Variants in SGO1 observed in about 807,000 individuals in gnomAD.
The protein encoded by SGO1 is serologically defined breast cancer antigen NY-BR-85.
In SGO1, 39 loss-of-function variants were observed where a neutral mutation model predicts 50.5. The ratio of observed to expected loss-of-function variants is 0.77; its 90% CI spans 0.60 to 1.01. SGO1 has a LOEUF of 1.01. Ranked by LOEUF, SGO1 falls within the 50% of genes least tolerant of loss-of-function variation. The pLI, the probability that SGO1 is intolerant of heterozygous loss-of-function variation, is 0.00. For synonymous variants in SGO1, 191 were observed against 205.1 expected (o/e 0.93, Z 0.59); for missense variants, 638 against 606.0 (o/e 1.05, Z -0.55).
chr3:20,173,530 C>T (rs192191039), intron 6 of SGO1, among the ~76,000 whole-genome samples: 1 of 152,270 alleles, frequency 6.6e-6, no homozygotes, highest in African/African-American at 2.4e-5. Context: ...GTTTTAATCT[C>T]CTTACAAACA....
downstream of SGO1, among the ~76,000 whole-genome samples, chr3:20,166,842 C>CAAAAAAAAAAAAAAAAAAAAAAAAAAA: frequency 2.3e-5 from 1 of 42,736 alleles, no homozygotes; most frequent in Non-Finnish European, 4.1e-5. Flanking sequence ...CCATCTCTAC[C>CAAAAAAAAAAAAAAAAAAAAAAAAAAA]AAAAAAAAAA....
chr3:20,186,578 A>G (rs1702689280), upstream of SGO1: 1 of 152,286 alleles, frequency 6.6e-6, no homozygotes, highest in East Asian at 1.9e-4. Context: ...TGCCTGTTAA[A>G]GCGGTCAGCC....
At chr3:20,176,977 A>T (rs942859657) in intron 4 of SGO1, among the ~76,000 whole-genome samples, 22 of 152,222 alleles carry the variant, frequency 1.4e-4, no homozygotes, top group African/African-American at 3.4e-4. Context: ...AATGTTTTTT[A>T]AAAAATGTAG....
At chr3:20,176,483 C>G (rs1294452719) in intron 5 of SGO1, 118 bp downstream of exon 5, 1 of 634,176 alleles carries the variant, frequency 1.6e-6, no homozygotes, top group Admixed American at 3.4e-5. Context: ...GAGCAGAATA[C>G]CAGATGAACA....
chr3:20,174,221 A>G (rs1416935016), intron 6 of SGO1, 28 bp downstream of exon 6: 6 of 1,532,990 alleles, frequency 3.9e-6, no homozygotes, highest in Admixed American at 1.7e-5. Context: ...GAACATTAAA[A>G]ATACAGGTAA....
intron 8 of SGO1, among the ~76,000 whole-genome samples, chr3:20,164,385 A>AG (rs1461066300): frequency 2.0e-5 from 3 of 152,206 alleles, no homozygotes; most frequent in Non-Finnish European, 4.4e-5. Flanking sequence ...GATTAAAAAA[A>AG]GAAAAAAGGA....
chr3:20,171,002 A>G (rs1277544066), intron 7 of SGO1, 41 bp downstream of exon 7: 1 of 1,534,514 alleles, frequency 6.5e-7, no homozygotes, highest in East Asian at 2.3e-5. Context: ...TCCCCCCGAC[A>G]TGTATCATTA....
At chr3:20,172,487 G>A (rs1223800122) in intron 6 of SGO1, among the ~76,000 whole-genome samples, 2 of 125,138 alleles carry the variant, frequency 1.6e-5, no homozygotes, top group African/African-American at 6.6e-5. Context: ...GGCAACAAGA[G>A]TGAAACTCTG....
intron 6 of SGO1, 126 bp downstream of exon 6, chr3:20,174,123 A>C (rs190570727): frequency 1.2e-5 from 9 of 768,132 alleles, no homozygotes; most frequent in South Asian, 9.1e-5. Context: ...ACTTCCACCA[A>C]AGAGAGACAG....
chr3:20,176,509 A>C, intron 5 of SGO1, 92 bp downstream of exon 5: 7 of 816,848 alleles, frequency 8.6e-6, no homozygotes, highest in Non-Finnish European at 1.3e-5. Flanking sequence ...AAAAAGTTAA[A>C]AAAAAAGAAT....
rs545161947 is a variant in SGO1 at position 20,179,918 on chromosome 3, A to G, written c.340-1571T>C. Among the ~76,000 whole-genome samples, 4 of 152,310 alleles carry G rather than the reference A, an allele frequency of 2.6e-5. No individual in the cohort carries two copies. The South Asian group carries it at 8.3e-4, about 32-fold the overall frequency. The stretch of plus-strand genomic sequence containing the variant: ...TACTGCAAGGTCAAGAAGAAAGAGA[A>G]GTGACCACTGAATTTGGTAACATGG... On this transcript the variant is annotated intron_variant, in intron 3 of 7. Coordinates refer to ENST00000412997, the MANE Select transcript of SGO1 (RefSeq NM_001199251.3).
At chr3:20,175,679 G>T (rs1701303765) in intron 5 of SGO1, among the ~76,000 whole-genome samples, 1 of 151,800 alleles carries the variant, frequency 6.6e-6, no homozygotes, top group Non-Finnish European at 1.5e-5. Flanking sequence ...GGTGCCTGTA[G>T]TCCCAACTAC....
intron 8 of SGO1, among the ~76,000 whole-genome samples, chr3:20,161,965 C>T (rs1700062674): frequency 6.6e-6 from 1 of 152,150 alleles, no homozygotes; most frequent in South Asian, 2.1e-4. Flanking sequence ...AAGCAGTGAG[C>T]CCCATGTTCT....
chr3:20,173,776 A>G (rs988478858), intron 6 of SGO1, among the ~76,000 whole-genome samples: 3 of 152,224 alleles, frequency 2.0e-5, no homozygotes, highest in Non-Finnish European at 4.4e-5. Flanking sequence ...GAGATGTCGT[A>G]CAAAAGAATA....
In SGO1 at chr3:20,161,188, TAA is replaced by T; in HGVS notation, c.1601_1602del (p.Phe534TyrfsTer16). 1 of 1,609,676 alleles carries T rather than the reference TAA, an allele frequency of 6.2e-7. No homozygotes were observed. The highest frequency in any genetic ancestry group is 8.5e-7 in the Non-Finnish European group (1 of 1,178,480). On this transcript the variant is annotated frameshift_variant, in exon 9 of 9. Transcript: ENST00000263753. LOFTEE classifies it high-confidence loss of function. ...ACAAATTCTCGAACATAATATAAAA[TAA>T]AAATTGCTTCTTTGGCAGGTGATAC...
At chr3:20,182,879 G>A (rs1276346287) in intron 3 of SGO1, among the ~76,000 whole-genome samples, 3 of 152,024 alleles carry the variant, frequency 2.0e-5, no homozygotes, top group Non-Finnish European at 4.4e-5. Flanking sequence ...TTAGCCAGGC[G>A]TGGTGGCGGG....
chr3:20,168,644 GTTTTT>G (rs1313336484), downstream of SGO1, among the ~76,000 whole-genome samples: 1 of 129,462 alleles, frequency 7.7e-6, no homozygotes. Flanking sequence ...CTGAGAAACT[GTTTTT>G]TTTTTTTTTT....
Position 20,174,986 on chromosome 3 carries a change from T to A in SGO1, c.545A>T (p.Asp182Val), listed in dbSNP as rs1013983168. 55 of 1,607,718 alleles carry A rather than the reference T, an allele frequency of 3.4e-5. No homozygotes were observed. Among genetic ancestry groups the A allele is most frequent in the Non-Finnish European group, 4.4e-5 (52 of 1,176,650 alleles). Residue 182 changes from aspartate to valine, a missense_variant, in exon 6 of 8, where the codon GAT (aspartate) becomes GTT (valine). Coordinates refer to ENST00000412997, the MANE Select transcript of SGO1 (RefSeq NM_001199251.3). The stretch of plus-strand genomic sequence containing the variant: ...AGATACAGTTCTAGGTAAGACATTA[T>A]CAGTAGACTTAGCTTCACCTGAATC... ...DFDSGEAKSTDNVLPRTVSVR... is the reference protein window; with the variant it reads ...DFDSGEAKSTVNVLPRTVSVR...
Position 20,163,041 on chromosome 3 carries a change from C to CTTAA in SGO1, c.1565-1819_1565-1816dup, listed in dbSNP as rs1032010695. Among the ~76,000 whole-genome samples the CTTAA allele has an allele frequency of 3.3e-5, 5 of 152,088 alleles. No homozygotes were observed. The East Asian group carries it at 5.8e-4, about 18-fold the overall frequency. The stretch of plus-strand genomic sequence containing the variant: ...AAAAATACATTAAAATAAGAGAAGT[C>CTTAA]TTAATTCATAGTACCTTAAGAAGTT... On this transcript the variant is annotated intron_variant, in intron 8 of 8. Transcript: ENST00000263753.
Sources: gnomAD v4.1 joint callset for allele counts (sites outside exome capture counted in the v4.1 genomes callset) on GRCh38, gnomAD v4.1.1 for gene constraint, MANE v1.5 for transcripts, NCBI Gene and HGNC (gene_info 2026-07-23, HGNC 2026-07-21) for gene names.